The following WBP1L variants were observed in gnomAD, a reference collection of about 807,000 sequenced individuals.
The protein encoded by WBP1L is WW domain binding protein 1-like.
Under a neutral mutation model 33.7 loss-of-function variants are expected in WBP1L, and 17 were observed. The observed-to-expected ratio is 0.50, with a 90% CI of 0.34 to 0.76. The LOEUF (loss-of-function observed/expected upper bound fraction) is 0.76. Ranked by LOEUF, WBP1L falls within the 30% of genes least tolerant of loss-of-function variation. WBP1L has a pLI of 0.01. For synonymous variants in WBP1L, 173 were observed against 190.8 expected (o/e 0.91, Z 0.77); for missense variants, 389 against 469.4 (o/e 0.83, Z 1.58).
rs556129332 is a variant in WBP1L at position 102,814,404 on chromosome 10, G to A, written c.*1073G>A. 1 of 152,742 alleles carries A rather than the reference G, an allele frequency of 6.5e-6. No individual in the cohort carries two copies. The highest frequency in any genetic ancestry group is 2.1e-4 in the South Asian group (1 of 4,824). The allele number at this position is 152,742 out of a possible 1,614,324, so 9.5% of individuals were successfully genotyped here. On this transcript the variant is annotated 3_prime_UTR_variant, in exon 4 of 4. Coordinates refer to ENST00000448841, the MANE Select transcript of WBP1L (RefSeq NM_001083913.2). Reference sequence around the variant, plus strand: ...TATGAGGAAACAGACAGCGGACTGAGGAAGCGATGGCCCCAGAGAAAGGGC... The same window carrying A: ...TATGAGGAAACAGACAGCGGACTGAAGAAGCGATGGCCCCAGAGAAAGGGC...
intron 1 of WBP1L, among the ~76,000 whole-genome samples, chr10:102,759,502 G>T (rs1843013097): frequency 6.6e-6 from 1 of 152,064 alleles, no homozygotes; most frequent in South Asian, 2.1e-4. Context: ...TCAGTCTCTT[G>T]CCTTGGCACC....
intron 2 of WBP1L, among the ~76,000 whole-genome samples, chr10:102,805,442 CTT>C (rs35567690): frequency 6.9e-6 from 1 of 145,226 alleles, no homozygotes; most frequent in Non-Finnish European, 1.5e-5. Flanking sequence ...TGCTGGCTAT[CTT>C]TTTTTTTTTT....
intron 1 of WBP1L, among the ~76,000 whole-genome samples, chr10:102,771,173 A>G (rs1843182248): frequency 1.3e-5 from 2 of 152,238 alleles, no homozygotes. Context: ...ACTGCCTACA[A>G]AAATGTTGCC....
At position 102,815,832 on chromosome 10, in the gene WBP1L, G is replaced by A. The variant is rs1013631175; in HGVS notation, c.*2501G>A. 2 of 152,318 alleles carry A rather than the reference G, an allele frequency of 1.3e-5. No individual in the cohort carries two copies. The highest frequency in any genetic ancestry group is 2.9e-5 in the Non-Finnish European group (2 of 68,054). 9.4% of individuals were successfully genotyped at this position (152,318 alleles called of 1,614,324 possible). Reference sequence around the variant, plus strand: ...GCAAGTGTTAACTGTGGGACTCACTGCAGCGTCCTATCCTAAAGGCACGAG... The same window carrying A: ...GCAAGTGTTAACTGTGGGACTCACTACAGCGTCCTATCCTAAAGGCACGAG... On this transcript the variant is annotated 3_prime_UTR_variant, in exon 4 of 4. Transcript: ENST00000448841.
At chr10:102,798,879 G>A (rs532484258) in intron 2 of WBP1L, among the ~76,000 whole-genome samples, 1 of 152,302 alleles carries the variant, frequency 6.6e-6, no homozygotes, top group East Asian at 1.9e-4. Context: ...AGGGTCCTTC[G>A]GAAAGGAACA....
chr10:102,750,612 C>T (rs1842916371), intron 1 of WBP1L, among the ~76,000 whole-genome samples: 1 of 152,000 alleles, frequency 6.6e-6, no homozygotes, highest in African/African-American at 2.4e-5. Context: ...AGCGCTTCTC[C>T]TGCCTCAGCC....
At chr10:102,779,177 T>C (rs970458575) in intron 1 of WBP1L, among the ~76,000 whole-genome samples, 49 of 151,294 alleles carry the variant, frequency 3.2e-4, no homozygotes, top group African/African-American at 1.1e-3. Context: ...TACCCCTTAA[T>C]CCCAGCTTTT....
At chr10:102,773,864 CAAAA>C (rs11362638) in intron 1 of WBP1L, among the ~76,000 whole-genome samples, 6 of 142,200 alleles carry the variant, frequency 4.2e-5, no homozygotes, top group African/African-American at 1.3e-4. Flanking sequence ...AAAAACAAAA[CAAAA>C]AAAAAAAAGG....
chr10:102,809,081 T>TTTTGG (rs1429918592), intron 2 of WBP1L, among the ~76,000 whole-genome samples: 2 of 151,746 alleles, frequency 1.3e-5, no homozygotes, highest in Non-Finnish European at 2.9e-5. Flanking sequence ...CATCATTCTG[T>TTTTGG]TTTGTTTTGT....
rs1843924102 is a variant in WBP1L at position 102,815,455 on chromosome 10, C to G, written c.*2124C>G. The stretch of plus-strand genomic sequence containing the variant: ...GGTGGAATTTCAGACAGAAGCTTGA[C>G]TGGGTCTTCAATGACAGGCTTGGAC... On this transcript the variant is annotated 3_prime_UTR_variant, in exon 4 of 4. Transcript: ENST00000448841. The G allele has an allele frequency of 6.6e-6, 1 of 152,484 alleles. No individual in the cohort carries two copies. The highest frequency in any genetic ancestry group is 2.1e-4 in the South Asian group (1 of 4,834). The allele number at this position is 152,484 out of a possible 1,614,324, so 9.4% of individuals were successfully genotyped here.
intron 1 of WBP1L, among the ~76,000 whole-genome samples, chr10:102,762,676 T>C (rs1590170268): frequency 6.6e-6 from 1 of 152,218 alleles, no homozygotes; most frequent in South Asian, 2.1e-4. Context: ...CAATTTTTAG[T>C]GAAGAGAGAA....
chr10:102,746,575 C>T (rs772852779), intron 1 of WBP1L, among the ~76,000 whole-genome samples: 3 of 148,408 alleles, frequency 2.0e-5, no homozygotes, highest in East Asian at 4.0e-4. Context: ...CTGAATCCAC[C>T]GCAATTTAGT....
At chr10:102,795,061 A>G (rs991177518) in intron 1 of WBP1L, among the ~76,000 whole-genome samples, 1 of 152,202 alleles carries the variant, frequency 6.6e-6, no homozygotes, top group South Asian at 2.1e-4. Flanking sequence ...TGATGGTTCA[A>G]CTTAGTGATT....
In WBP1L at chr10:102,776,363, A is replaced by T. The variant is rs140731468; in HGVS notation, c.91-21630A>T. ...TAACTTTTAAGAGCCCTTTGTTCCA[A>T]CGTTAGTGTGGACGATGCTCTTGCA... On this transcript the variant is annotated intron_variant, in intron 1 of 3. Transcript: ENST00000448841. 9 of 1,613,966 alleles carry T rather than the reference A, an allele frequency of 5.6e-6. 2 individuals are homozygous for T. In the South Asian group the frequency reaches 8.8e-5, roughly 16 times the overall value.
chr10:102,766,621 T>A (rs1234747272), intron 1 of WBP1L, among the ~76,000 whole-genome samples: 1 of 151,352 alleles, frequency 6.6e-6, no homozygotes, highest in Non-Finnish European at 1.5e-5. Context: ...AGATCCTGTC[T>A]CAAAAACAAA....
At chr10:102,762,296 A>G (rs763570137) in intron 1 of WBP1L, among the ~76,000 whole-genome samples, 1 of 152,222 alleles carries the variant, frequency 6.6e-6, no homozygotes, top group African/African-American at 2.4e-5. Flanking sequence ...AAACTTGACA[A>G]TAATCCCTTA....
intron 1 of WBP1L, among the ~76,000 whole-genome samples, chr10:102,757,828 C>T (rs963141130): frequency 6.7e-6 from 1 of 149,700 alleles, no homozygotes. Flanking sequence ...CCTCCTGCCT[C>T]GGCCTCCCAA....
chr10:102,765,778 C>T (rs1843098904), intron 1 of WBP1L, among the ~76,000 whole-genome samples: 1 of 152,138 alleles, frequency 6.6e-6, no homozygotes, highest in African/African-American at 2.4e-5. Flanking sequence ...GTGGATTTTC[C>T]TATAAAAGCA....
At chr10:102,744,744 G>A (rs1842844657) in intron 1 of WBP1L, among the ~76,000 whole-genome samples, 1 of 152,220 alleles carries the variant, frequency 6.6e-6, no homozygotes. Flanking sequence ...CTCAGGAGGA[G>A]GAGCACACTT....
Sources: allele counts gnomAD v4.1 joint callset (sites outside exome capture counted in the v4.1 genomes callset), GRCh38; gene constraint gnomAD v4.1.1; transcripts MANE v1.5; gene names NCBI Gene and HGNC (gene_info 2026-07-23, HGNC 2026-07-21).